Variants in MAD2L1 observed in about 807,000 individuals in gnomAD.
MAD2L1 encodes mitotic arrest deficient 2 like 1.
In MAD2L1, 10 loss-of-function variants were observed where a neutral mutation model predicts 25.9. The observed-to-expected ratio is 0.39, with a 90% confidence interval of 0.24 to 0.66. The LOEUF is 0.66. Ranked by LOEUF, MAD2L1 falls within the 30% of genes least tolerant of loss-of-function variation. MAD2L1 has a pLI of 0.49. For missense variants in MAD2L1, 180 were observed against 246.4 expected (o/e 0.73, Z 1.80); for synonymous variants, 81 against 91.8 (o/e 0.88, Z 0.67).
In MAD2L1 at chr4:120,055,999, C is replaced by G. The variant is rs1038836258; in HGVS notation, c.*4119G>C. ...CACAGTAAAGGAAAACCAGTTTGTT[C>G]TGAACACTTTATTGCTAAAAGGATG... On this transcript the variant is annotated 3_prime_UTR_variant, in exon 5 of 5. Transcript: ENST00000296509. The G allele has an allele frequency of 2.0e-5, 3 of 152,150 alleles. No homozygotes were observed. The highest frequency in any genetic ancestry group is 2.0e-4 in the Admixed American group (3 of 15,278). 9.4% of individuals were successfully genotyped at this position (152,150 alleles called of 1,614,324 possible).
At position 120,056,535 on chromosome 4, in the gene MAD2L1, A is replaced by G. The variant is rs1560768607; in HGVS notation, c.*3583T>C. 1 of 152,226 alleles carries G rather than the reference A, an allele frequency of 6.6e-6. No individual in the cohort carries two copies. The highest frequency in any genetic ancestry group is 2.1e-4 in the South Asian group (1 of 4,832). 9.4% of individuals were successfully genotyped at this position (152,226 alleles called of 1,614,324 possible). ...TAGATAAATTTTACATACTAAATGA[A>G]AACAAGATGAAGAAATGGTCTATGA... On this transcript the variant is annotated 3_prime_UTR_variant, in exon 5 of 5. Transcript: ENST00000296509.
rs142759833 is a variant in MAD2L1, at chr4:120,056,414, C to T, written c.*3704G>A. ...GCCTTTAGAACCAAAAGAAAGTCAT[C>T]TTAATTTGAATATTACAGCATTAGT... On this transcript the variant is annotated 3_prime_UTR_variant, in exon 5 of 5. Coordinates refer to ENST00000296509, the MANE Select transcript of MAD2L1 (RefSeq NM_002358.4). 143 of 152,200 alleles carry T rather than the reference C, an allele frequency of 9.4e-4. No homozygotes were observed. The highest frequency in any genetic ancestry group is 3.1e-3 in the African/African-American group (128 of 41,514). The allele number at this position is 152,200 out of a possible 1,614,324, so 9.4% of individuals were successfully genotyped here. A position where few individuals can be genotyped will look rare whatever the true frequency, so the allele number is the denominator to read the frequency against.
At chr4:120,060,535 C>T (rs1726195228) in intron 4 of MAD2L1, among the ~76,000 whole-genome samples, 1 of 152,116 alleles carries the variant, frequency 6.6e-6, no homozygotes, top group South Asian at 2.1e-4. Flanking sequence ...GGTCCCAAAG[C>T]ACAAGAATAG....
At position 120,057,127 on chromosome 4, in the gene MAD2L1, C is replaced by T. The variant is rs1221205557; in HGVS notation, c.*2991G>A. ...TTATTGGAACACACTCACGCTCATT[C>T]ATTTATGTATTGTCTATAGCTGCTT... On this transcript the variant is annotated 3_prime_UTR_variant, in exon 5 of 5. Transcript: ENST00000296509. 1 of 152,218 alleles carries T rather than the reference C, an allele frequency of 6.6e-6. No homozygotes were observed. Among genetic ancestry groups the T allele is most frequent in the African/African-American group, 2.4e-5 (1 of 41,458 alleles). 9.4% of individuals were successfully genotyped at this position (152,218 alleles called of 1,614,324 possible).
intron 1 of MAD2L1, among the ~76,000 whole-genome samples, chr4:120,066,257 A>G (rs1387522255): frequency 6.6e-6 from 1 of 152,150 alleles, no homozygotes; most frequent in Non-Finnish European, 1.5e-5. Context: ...GCCTGTTCGA[A>G]AACAAGGGTT....
chr4:120,061,109 T>G (rs1300415156), intron 3 of MAD2L1, 132 bp from the exon 4 acceptor site: 3 of 578,196 alleles, frequency 5.2e-6, no homozygotes, highest in Non-Finnish European at 9.4e-6. Context: ...AGAAAGGAGG[T>G]TTGTAAAAAA....
chr4:120,066,258 A>G (rs771558619), intron 1 of MAD2L1, among the ~76,000 whole-genome samples: 7 of 152,082 alleles, frequency 4.6e-5, no homozygotes, highest in Non-Finnish European at 1.0e-4. Flanking sequence ...CCTGTTCGAA[A>G]ACAAGGGTTC....
Position 120,058,744 on chromosome 4 carries a change from C to G in MAD2L1, c.*1374G>C, listed in dbSNP as rs1170308500. On this transcript the variant is annotated 3_prime_UTR_variant, in exon 5 of 5. Transcript: ENST00000296509. The stretch of plus-strand genomic sequence containing the variant: ...CATCTAGGTTGGTAACACCAGTGGT[C>G]CACTTATTCCATAAAGATATGAAGA... The G allele has an allele frequency of 1.3e-5, 2 of 152,136 alleles. No individual in the cohort carries two copies. Among genetic ancestry groups the G allele is most frequent in the Non-Finnish European group, 2.9e-5 (2 of 68,034 alleles). 9.4% of individuals were successfully genotyped at this position (152,136 alleles called of 1,614,324 possible). A position where few individuals can be genotyped will look rare whatever the true frequency, so the allele number is the denominator to read the frequency against.
At chr4:120,060,805 G>GTGAT in intron 4 of MAD2L1, 69 bp downstream of exon 4, 1 of 890,342 alleles carries the variant, frequency 1.1e-6, no homozygotes, top group Non-Finnish European at 1.8e-6. Flanking sequence ...TAATAAAGGG[G>GTGAT]TGATTACGGC....
At chr4:120,066,633 C>G (rs747456543) in intron 1 of MAD2L1, 29 bp downstream of exon 1, 2 of 1,584,942 alleles carry the variant, frequency 1.3e-6, no homozygotes, top group South Asian at 1.1e-5. Flanking sequence ...TCCGTTCCCC[C>G]CGATATATTG....
Position 120,058,236 on chromosome 4 carries a change from A to T in MAD2L1, c.*1882T>A, listed in dbSNP as rs1434218801. 1 of 152,258 alleles carries T rather than the reference A, an allele frequency of 6.6e-6. No individual in the cohort carries two copies. Among genetic ancestry groups the T allele is most frequent in the Admixed American group, 6.5e-5 (1 of 15,292 alleles). 9.4% of individuals were successfully genotyped at this position (152,258 alleles called of 1,614,324 possible). On this transcript the variant is annotated 3_prime_UTR_variant, in exon 5 of 5. Transcript: ENST00000296509. ...TCATGACTAGCTCTCCAGAAACCTCAGAGTAAATAGTAGCATGCAAATGAT... is the reference window on the plus strand; with the variant it reads ...TCATGACTAGCTCTCCAGAAACCTCTGAGTAAATAGTAGCATGCAAATGAT...
At position 120,055,767 on chromosome 4, in the gene MAD2L1, A is replaced by G. The variant is rs1726098100; in HGVS notation, c.*4351T>C. On this transcript the variant is annotated 3_prime_UTR_variant, in exon 5 of 5. Coordinates refer to ENST00000296509, the MANE Select transcript of MAD2L1 (RefSeq NM_002358.4). Reference sequence around the variant, plus strand: ...GAGTAATTAAGGTTACTTAACAAACAATTCTTCTGATTAGTTGGAAAATTG... The same window carrying G: ...GAGTAATTAAGGTTACTTAACAAACGATTCTTCTGATTAGTTGGAAAATTG... 6.6e-6 allele frequency: 1 copy of G among 152,202 alleles called. No homozygotes were observed. Among genetic ancestry groups the G allele is most frequent in the African/African-American group, 2.4e-5 (1 of 41,460 alleles). 9.4% of individuals were successfully genotyped at this position (152,202 alleles called of 1,614,324 possible).
chr4:120,059,341 T>C lies in MAD2L1; in HGVS notation c.*777A>G, dbSNP rs1307095981. On this transcript the variant is annotated 3_prime_UTR_variant, in exon 5 of 5. Transcript: ENST00000296509. ...TGGACCCTTAAGTTCTATAACTTCG[T>C]AGGAACAAGAATTCATTAGCTATGC... The C allele has an allele frequency of 1.3e-5, 2 of 152,184 alleles. No individual in the cohort carries two copies. The highest frequency in any genetic ancestry group is 2.9e-5 in the Non-Finnish European group (2 of 68,008). The allele number at this position is 152,184 out of a possible 1,614,324, so 9.4% of individuals were successfully genotyped here.
intron 2 of MAD2L1, among the ~76,000 whole-genome samples, chr4:120,064,253 ATT>A (rs1473843899): frequency 6.6e-6 from 1 of 152,144 alleles, no homozygotes; most frequent in Non-Finnish European, 1.5e-5. Context: ...ACTATAGATG[ATT>A]TATTCCTGAC....
Position 120,056,361 on chromosome 4 carries a change from G to A in MAD2L1, c.*3757C>T, listed in dbSNP as rs1726110401. ...TTGTTGCCAGGAATTCCAATGCTGAGTAACCTTGCTTTTCCAATAAGCTTA... is the reference window on the plus strand; with the variant it reads ...TTGTTGCCAGGAATTCCAATGCTGAATAACCTTGCTTTTCCAATAAGCTTA... On this transcript the variant is annotated 3_prime_UTR_variant, in exon 5 of 5. Coordinates refer to ENST00000296509, the MANE Select transcript of MAD2L1 (RefSeq NM_002358.4). 6.6e-6 allele frequency: 1 copy of A among 152,182 alleles called. No homozygotes were observed. The highest frequency in any genetic ancestry group is 6.5e-5 in the Admixed American group (1 of 15,286). The allele number at this position is 152,182 out of a possible 1,614,324, so 9.4% of individuals were successfully genotyped here.
At chr4:120,062,875 A>G (rs950937119) in intron 2 of MAD2L1, among the ~76,000 whole-genome samples, 10 of 152,194 alleles carry the variant, frequency 6.6e-5, no homozygotes, top group African/African-American at 2.4e-4. Flanking sequence ...AATTCAAGCA[A>G]GAGTTAATGA....
Position 120,065,741 on chromosome 4 carries a change from G to A in MAD2L1, c.151C>T (p.Leu51Phe). The change falls in exon 2 of 5, where the codon CTC (leucine) becomes TTC (phenylalanine). Residue 51 changes from leucine to phenylalanine, a missense_variant. By Grantham distance (22) the Leu-to-Phe change is conservative. Coordinates refer to ENST00000296509, the MANE Select transcript of MAD2L1 (RefSeq NM_002358.4). ...ETFTRVQKYGLTLLVTTDLEL... is the reference protein window; with the variant it reads ...ETFTRVQKYGFTLLVTTDLEL... ...AGATCAGTAGTTACAAGCAAGGTGA[G>A]TCCGTATTTCTGCACTCGAGTAAAG... is the stretch of plus-strand genomic sequence containing the variant. 2 of 1,613,758 alleles carry A rather than the reference G, an allele frequency of 1.2e-6. No homozygotes were observed. The highest frequency in any genetic ancestry group is 1.7e-6 in the Non-Finnish European group (2 of 1,179,742).
chr4:120,061,893 A>C (rs1578459997), intron 3 of MAD2L1, 82 bp downstream of exon 3: 2 of 1,104,512 alleles, frequency 1.8e-6, no homozygotes, highest in East Asian at 5.3e-5. Context: ...AACTAGTTCA[A>C]TACAATTAGA....
At position 120,058,630 on chromosome 4, in the gene MAD2L1, G is replaced by A. The variant is rs183182066; in HGVS notation, c.*1488C>T. ...GGCGACAGAATAAGACTCCATCTTG[G>A]GGGGGAAAAGTGATTTCGCAGAATT... On this transcript the variant is annotated 3_prime_UTR_variant, in exon 5 of 5. Coordinates refer to ENST00000296509, the MANE Select transcript of MAD2L1 (RefSeq NM_002358.4). 1 of 152,106 alleles carries A rather than the reference G, an allele frequency of 6.6e-6. No homozygotes were observed. Among genetic ancestry groups the A allele is most frequent in the Non-Finnish European group, 1.5e-5 (1 of 68,016 alleles). 9.4% of individuals were successfully genotyped at this position (152,106 alleles called of 1,614,324 possible). A position where few individuals can be genotyped will look rare whatever the true frequency, so the allele number is the denominator to read the frequency against.
Sources: allele counts gnomAD v4.1 joint callset (sites outside exome capture counted in the v4.1 genomes callset), GRCh38; gene constraint gnomAD v4.1.1; transcripts MANE v1.5; gene names NCBI Gene and HGNC (gene_info 2026-07-23, HGNC 2026-07-21).